The following STUM variants were observed in gnomAD, a reference collection of about 807,000 sequenced individuals.
The protein encoded by STUM is protein stum homolog.
A neutral mutation model predicts 15.3 loss-of-function variants in STUM; 8 were observed. That is an observed-to-expected ratio of 0.52 (90% CI 0.31 to 0.94). STUM has a LOEUF of 0.94. Among genes scored for constraint, STUM ranks in the 40% least tolerant of loss-of-function variants. The pLI is 0.05. For missense variants in STUM, 142 were observed against 204.9 expected (o/e 0.69, Z 1.87); for synonymous variants, 78 against 88.7 (o/e 0.88, Z 0.68).
rs1667643794 is a variant in STUM, at chr1:226,567,511, G to C, written c.202+18405G>C. 6.6e-6 allele frequency among the ~76,000 whole-genome samples: 1 copy of C among 152,222 alleles called. No individual in the cohort carries two copies. Among genetic ancestry groups the C allele is most frequent in the Admixed American group, 6.5e-5 (1 of 15,292 alleles). On this transcript the variant is annotated intron_variant, in intron 1 of 3. Transcript: ENST00000366788. The surrounding 1 kb of genome is among the most constrained non-coding windows in gnomAD (Gnocchi z 4.5). ...ATGAGAAGAGGTAGATGGTCCCGAT[G>C]GCCCTAAACAGCATCATTTTTCTCA... is the stretch of plus-strand genomic sequence containing the variant.
intron 1 of STUM, among the ~76,000 whole-genome samples, chr1:226,589,663 A>G (rs1668053885): frequency 6.6e-6 from 1 of 152,180 alleles, no homozygotes; most frequent in Non-Finnish European, 1.5e-5. Flanking sequence ...TTGGTGGTTG[A>G]CAATACAGTT....
chr1:226,570,566 C>T lies in STUM; in HGVS notation c.202+21460C>T, dbSNP rs1208230688. Among the ~76,000 whole-genome samples the T allele has an allele frequency of 2.6e-5, 4 of 152,212 alleles. No individual in the cohort carries two copies. In the South Asian group the frequency reaches 8.3e-4, roughly 32 times the overall value. On this transcript the variant is annotated intron_variant, in intron 1 of 3. Coordinates refer to ENST00000366788, the MANE Select transcript of STUM (RefSeq NM_001003665.4). Reference sequence around the variant, plus strand: ...GAGAGAAGTTTCCACCCCACAGGGGCCAAGCCACCTCCCTCCACCTGGCTT... The same window carrying T: ...GAGAGAAGTTTCCACCCCACAGGGGTCAAGCCACCTCCCTCCACCTGGCTT...
chr1:226,562,511 T>C (rs148221771), intron 1 of STUM, among the ~76,000 whole-genome samples: 4 of 150,002 alleles, frequency 2.7e-5, no homozygotes, highest in Admixed American at 1.3e-4. Flanking sequence ...TGTATCTCAA[T>C]AAAGCTGTTA....
In STUM at chr1:226,596,841, G is replaced by A. The variant is rs778701361; in HGVS notation, c.242G>A (p.Arg81His). 2.0e-5 allele frequency: 33 copies of A among 1,614,080 alleles called. No individual in the cohort carries two copies. Among genetic ancestry groups the A allele is most frequent in the Non-Finnish European group, 2.6e-5 (31 of 1,180,034 alleles). The change falls in exon 2 of 4, where the codon CGC becomes CAC. Residue 81 changes from arginine (R) to histidine (H), a missense_variant. Physicochemically the swap from Arg to His is conservative, Grantham distance 29 (BLOSUM62 0). Around this residue, in one of 2 missense-constraint regions of STUM, gnomAD observed 113 missense variants for 134.4 expected, o/e 0.84. Coordinates refer to ENST00000366788, the MANE Select transcript of STUM (RefSeq NM_001003665.4). ...GCCTTCACTGTGCTGTGCGGGGCCC[G>A]CACCGACCTCCCGGACAGGCATGTG... The part of the protein sequence containing the change: ...VSAFTVLCGA[R>H]TDLPDRHVCC...
chr1:226,563,571 C>A (rs959495724), intron 1 of STUM, among the ~76,000 whole-genome samples: 1 of 152,256 alleles, frequency 6.6e-6, no homozygotes, highest in African/African-American at 2.4e-5. Context: ...TCTGAGCAGG[C>A]TGCCTTTGCA....
intron 1 of STUM, among the ~76,000 whole-genome samples, chr1:226,586,140 C>T (rs973183327): frequency 2.6e-5 from 4 of 152,166 alleles, no homozygotes; most frequent in South Asian, 2.1e-4. Flanking sequence ...GTCAGAGGCC[C>T]ACTGAGGCTT....
chr1:226,586,127 T>G (rs1458718966), intron 1 of STUM, among the ~76,000 whole-genome samples: 1 of 152,168 alleles, frequency 6.6e-6, no homozygotes, highest in Non-Finnish European at 1.5e-5. Flanking sequence ...TATTACCTGC[T>G]ATGTCAGAGG....
intron 1 of STUM, among the ~76,000 whole-genome samples, chr1:226,566,947 TG>T (rs904594020): frequency 2.6e-5 from 4 of 152,160 alleles, no homozygotes; most frequent in African/African-American, 9.7e-5. Flanking sequence ...TATGCAGTGT[TG>T]GGGGGAAGGT....
intron 1 of STUM, among the ~76,000 whole-genome samples, chr1:226,580,222 G>A (rs1045076876): frequency 5.9e-5 from 9 of 152,184 alleles, no homozygotes; most frequent in African/African-American, 1.4e-4. Context: ...GGGAGTGGGT[G>A]TGGATCTCTG....
In STUM at chr1:226,565,199, G is replaced by A. The variant is rs546722105; in HGVS notation, c.202+16093G>A. Among the ~76,000 whole-genome samples, 2 of 152,018 alleles carry A rather than the reference G, an allele frequency of 1.3e-5. No individual in the cohort carries two copies. The highest frequency in any genetic ancestry group is 1.9e-4 in the East Asian group (1 of 5,180). On this transcript the variant is annotated intron_variant, in intron 1 of 3. Transcript: ENST00000366788. This position sits in a 1 kb window ranked among gnomAD's most constrained non-coding sequence, Gnocchi z 4.4. ...CCCTTCTACTACCCCAGCCCTCTCCGCCCAACAACAGCCTTCCCTCTCCCT... is the reference window on the plus strand; with the variant it reads ...CCCTTCTACTACCCCAGCCCTCTCCACCCAACAACAGCCTTCCCTCTCCCT...
chr1:226,575,012 G>A (rs1330710056), intron 1 of STUM, among the ~76,000 whole-genome samples: 1 of 152,176 alleles, frequency 6.6e-6, no homozygotes, highest in African/African-American at 2.4e-5. Flanking sequence ...CGGGCTGCTG[G>A]CTCCATCCCA....
intron 1 of STUM, among the ~76,000 whole-genome samples, chr1:226,560,215 G>C (rs1309429614): frequency 6.6e-6 from 1 of 152,190 alleles, no homozygotes; most frequent in Non-Finnish European, 1.5e-5. Flanking sequence ...ATAGCCTTTT[G>C]CTCCTTCCTC....
rs1668292176 is a variant in STUM, at chr1:226,602,778, T to G, written c.*738T>G. On this transcript the variant is annotated 3_prime_UTR_variant, in exon 4 of 4. Transcript: ENST00000366788. The stretch of plus-strand genomic sequence containing the variant: ...AACTGCCAGATGTTTATACACAAAG[T>G]TATTAGACTGAAGCAGGAGTGGGCA... The G allele has an allele frequency of 6.6e-6, 1 of 152,172 alleles. No homozygotes were observed. Among genetic ancestry groups the G allele is most frequent in the East Asian group, 1.9e-4 (1 of 5,192 alleles). 9.4% of individuals were successfully genotyped at this position (152,172 alleles called of 1,614,324 possible).
intron 2 of STUM, among the ~76,000 whole-genome samples, chr1:226,599,086 A>G (rs867440179): frequency 6.6e-6 from 1 of 152,302 alleles, no homozygotes; most frequent in South Asian, 2.1e-4. Flanking sequence ...CACTATCACA[A>G]GAACACTGCA....
At chr1:226,588,656 G>C (rs959675130) in intron 1 of STUM, among the ~76,000 whole-genome samples, 5 of 152,206 alleles carry the variant, frequency 3.3e-5, no homozygotes, top group Non-Finnish European at 5.9e-5. Context: ...CTTTCTGGTT[G>C]AAATAATTGC....
chr1:226,589,673 T>C (rs602660), intron 1 of STUM, among the ~76,000 whole-genome samples: 111,201 of 152,024 alleles, frequency 0.73, 41,240 homozygotes, highest in African/African-American at 0.86. Flanking sequence ...ACAATACAGT[T>C]CATTACCATC....
At chr1:226,593,116 G>A (rs987463854) in intron 1 of STUM, among the ~76,000 whole-genome samples, 6 of 150,882 alleles carry the variant, frequency 4.0e-5, no homozygotes, top group Non-Finnish European at 1.5e-5. Flanking sequence ...AACCTGGGAG[G>A]TGGAGGTTGC....
chr1:226,586,262 G>A (rs542653186), intron 1 of STUM, among the ~76,000 whole-genome samples: 1 of 152,270 alleles, frequency 6.6e-6, no homozygotes, highest in African/African-American at 2.4e-5. Context: ...AGCACTCCCA[G>A]GGGTCACCCA....
intron 1 of STUM, among the ~76,000 whole-genome samples, chr1:226,582,990 G>C (rs1168961791): frequency 1.3e-5 from 2 of 152,222 alleles, no homozygotes; most frequent in Admixed American, 1.3e-4. Flanking sequence ...GTCAAGCTGG[G>C]CTTGGTTATT....
Sources: gnomAD v4.1 joint callset for allele counts (sites outside exome capture counted in the v4.1 genomes callset) on GRCh38, gnomAD v4.1.1 for gene constraint, gnomAD v4.1.1 regional missense constraint, Gnocchi (gnomAD v3.1) non-coding constraint, MANE v1.5 for transcripts, NCBI Gene and HGNC (gene_info 2026-07-23, HGNC 2026-07-21) for gene names.